Variants in BRD10 observed in about 807,000 individuals in gnomAD.
BRD10 encodes the protein bromodomain containing 10, also known as uncharacterized bromodomain-containing protein 10.
At chr9:5,907,040 GT>G in the BRD10 span, 3 of 1,264,774 alleles carry the variant, frequency 2.4e-6, no homozygotes, top group South Asian at 1.4e-5. Flanking sequence ...ATGAATGGCT[GT>G]TTTTAACTCA....
the BRD10 span, among the ~76,000 whole-genome samples, chr9:5,885,735 G>A: frequency 1.2e-3 from 182 of 152,264 alleles, no homozygotes; most frequent in Middle Eastern, 3.4e-3. Flanking sequence ...CTATGTTGCA[G>A]ATGAAGACGG....
At chr9:5,923,281 A>T in the BRD10 span, 1 of 1,609,684 alleles carries the variant, frequency 6.2e-7, no homozygotes, top group Non-Finnish European at 8.5e-7. Context: ...TAGCCATAGG[A>T]AAATCTATTT....
the BRD10 span, among the ~76,000 whole-genome samples, chr9:5,993,969 T>TGC: frequency 6.6e-6 from 1 of 152,232 alleles, no homozygotes; most frequent in South Asian, 2.1e-4. Flanking sequence ...ATTTGATAGA[T>TGC]AAGCATCATT....
chr9:5,993,201 G>C, the BRD10 span, among the ~76,000 whole-genome samples: 1 of 151,226 alleles, frequency 6.6e-6, no homozygotes, highest in Non-Finnish European at 1.5e-5. Flanking sequence ...TGTAGTCCCA[G>C]CTACTCAGGA....
At chr9:5,994,607 T>C in the BRD10 span, among the ~76,000 whole-genome samples, 1 of 152,214 alleles carries the variant, frequency 6.6e-6, no homozygotes, top group Non-Finnish European at 1.5e-5. Context: ...TTCTTTTAGC[T>C]ATTCACATAG....
the BRD10 span, chr9:5,922,844 G>A: frequency 6.2e-7 from 1 of 1,613,980 alleles, no homozygotes; most frequent in Non-Finnish European, 8.5e-7. Flanking sequence ...GCAGGTCAAT[G>A]CTGGCTTTAT....
At chr9:5,977,437 T>C in the BRD10 span, among the ~76,000 whole-genome samples, 23 of 152,142 alleles carry the variant, frequency 1.5e-4, no homozygotes, top group African/African-American at 5.3e-4. Flanking sequence ...TGATCCTCAG[T>C]AGTGTAGTAA....
At chr9:5,983,667 G>C in the BRD10 span, among the ~76,000 whole-genome samples, 1 of 152,104 alleles carries the variant, frequency 6.6e-6, no homozygotes, top group Admixed American at 6.6e-5. Context: ...CTTGAAAAGA[G>C]CACAGAGAAG....
At chr9:5,943,796 G>A in the BRD10 span, among the ~76,000 whole-genome samples, 1 of 152,004 alleles carries the variant, frequency 6.6e-6, no homozygotes, top group African/African-American at 2.4e-5. Flanking sequence ...CTTGCTAATT[G>A]ATGACTATCA....
chr9:6,004,170 G>A, the BRD10 span, among the ~76,000 whole-genome samples: 2 of 152,102 alleles, frequency 1.3e-5, no homozygotes, highest in African/African-American at 2.4e-5. Context: ...CGTCTCACTT[G>A]TCATCCCCAC....
the BRD10 span, among the ~76,000 whole-genome samples, chr9:5,885,079 C>A: frequency 3.9e-5 from 6 of 152,234 alleles, no homozygotes; most frequent in African/African-American, 1.4e-4. Flanking sequence ...CCTCCACCCT[C>A]CTGGCTGCTG....
At chr9:5,994,949 G>C in the BRD10 span, among the ~76,000 whole-genome samples, 4 of 148,466 alleles carry the variant, frequency 2.7e-5, no homozygotes, top group African/African-American at 1.0e-4. Flanking sequence ...GCCCAGGCTG[G>C]AGTGCAATGG....
the BRD10 span, chr9:5,988,665 C>G: frequency 1.4e-6 from 1 of 696,758 alleles, no homozygotes; most frequent in Non-Finnish European, 2.4e-6. Context: ...ACCTTACTTA[C>G]TTAGCTTTGT....
the BRD10 span, among the ~76,000 whole-genome samples, chr9:5,980,897 C>T: frequency 6.6e-6 from 1 of 152,112 alleles, no homozygotes; most frequent in East Asian, 1.9e-4. Flanking sequence ...CTGTTTTCCC[C>T]ACTTCTTATG....
At chr9:5,948,954 A>T in the BRD10 span, among the ~76,000 whole-genome samples, 4 of 152,096 alleles carry the variant, frequency 2.6e-5, no homozygotes, top group African/African-American at 9.7e-5. Flanking sequence ...CTACTTAAAA[A>T]CTTGCAAATA....
the BRD10 span, among the ~76,000 whole-genome samples, chr9:5,975,036 T>C: frequency 3.9e-5 from 6 of 152,302 alleles, no homozygotes; most frequent in East Asian, 1.2e-3. Context: ...AAATTTACAA[T>C]GTTTGGCATT....
the BRD10 span, among the ~76,000 whole-genome samples, chr9:5,914,247 A>C: frequency 6.6e-6 from 1 of 152,114 alleles, no homozygotes; most frequent in African/African-American, 2.4e-5. Context: ...TCAGGTTTAC[A>C]GCAACCAACT....
the BRD10 span, chr9:5,919,436 A>C: frequency 5.4e-5 from 21 of 387,488 alleles, no homozygotes; most frequent in African/African-American, 2.4e-4. Flanking sequence ...CCTGACTTTA[A>C]ACACAGAACC....
chr9:5,956,820 G>C, the BRD10 span, among the ~76,000 whole-genome samples: 1 of 152,038 alleles, frequency 6.6e-6, no homozygotes, highest in Non-Finnish European at 1.5e-5. Context: ...TCTTATGTTT[G>C]TCATCCTTAC....
Sources: allele counts gnomAD v4.1 joint callset (sites outside exome capture counted in the v4.1 genomes callset), GRCh38; gene constraint gnomAD v4.1.1; transcripts MANE v1.5; gene names NCBI Gene and HGNC (gene_info 2026-07-23, HGNC 2026-07-21).